Variants in CAST observed in about 807,000 individuals in gnomAD.
CAST encodes MIR583 host.
Under a neutral mutation model 119.6 loss-of-function variants are expected in CAST, and 76 were observed. The observed-to-expected ratio is 0.64, with a 90% CI of 0.53 to 0.77. The LOEUF is 0.77. CAST is among the 30% of genes least tolerant of loss of function. The probability of loss-of-function intolerance (pLI) is 0.00; values close to 1 mark genes in which losing one functional copy is unlikely to be tolerated. For synonymous variants in CAST, 319 were observed against 331.6 expected (o/e 0.96, Z 0.41); for missense variants, 953 against 946.5 (o/e 1.01, Z -0.09).
chr5:96,431,939 G>C, the CAST span: 2 of 700,136 alleles, frequency 2.9e-6, no homozygotes, highest in African/African-American at 1.7e-5. Context: ...ACACTCCCTA[G>C]GGTCCCCTCG....
the CAST span, among the ~76,000 whole-genome samples, chr5:96,468,664 T>C: frequency 6.6e-6 from 1 of 152,018 alleles, no homozygotes. Context: ...ACAATTAAAG[T>C]TGGTTTTAGC....
chr5:96,222,773 A>G, the CAST span, among the ~76,000 whole-genome samples: 1 of 152,230 alleles, frequency 6.6e-6, no homozygotes, highest in Admixed American at 6.6e-5. Flanking sequence ...TATCTATCCA[A>G]AGGAAATCAG....
At chr5:96,377,944 G>A in the CAST span, among the ~76,000 whole-genome samples, 1 of 152,100 alleles carries the variant, frequency 6.6e-6, no homozygotes, top group East Asian at 1.9e-4. Flanking sequence ...AAAGAAAAAT[G>A]TGGTATGTAT....
the CAST span, among the ~76,000 whole-genome samples, chr5:96,115,088 A>C: frequency 1.3e-5 from 2 of 152,218 alleles, no homozygotes; most frequent in Non-Finnish European, 2.9e-5. Flanking sequence ...TATTTAGTAC[A>C]TGATCATAAC....
the CAST span, among the ~76,000 whole-genome samples, chr5:96,480,595 T>A: frequency 6.6e-6 from 1 of 151,944 alleles, no homozygotes; most frequent in Non-Finnish European, 1.5e-5. Flanking sequence ...CCAGGGAAAG[T>A]GAGATATGGC....
chr5:96,424,328 G>A, the CAST span, among the ~76,000 whole-genome samples: 1 of 152,160 alleles, frequency 6.6e-6, no homozygotes, highest in African/African-American at 2.4e-5. Flanking sequence ...ATCACAGGAG[G>A]CTGGAACTGT....
the CAST span, among the ~76,000 whole-genome samples, chr5:96,019,032 C>T: frequency 3.3e-5 from 5 of 152,134 alleles, no homozygotes; most frequent in Admixed American, 2.6e-4. Flanking sequence ...AGAGTTCAAT[C>T]TGGAAGATAT....
chr5:96,014,164 T>A, the CAST span, among the ~76,000 whole-genome samples: 15 of 151,712 alleles, frequency 9.9e-5, no homozygotes, highest in Middle Eastern at 3.4e-3. Context: ...TTTTTACTTT[T>A]AAATTTTTTT....
chr5:95,995,458 A>C, the CAST span, among the ~76,000 whole-genome samples: 1 of 152,176 alleles, frequency 6.6e-6, no homozygotes, highest in Admixed American at 6.6e-5. Flanking sequence ...GTTGCCTTCA[A>C]GATATAAGCT....
chr5:96,594,688 A>T (rs756355676), intron 1 of CAST, among the ~76,000 whole-genome samples: 1 of 152,168 alleles, frequency 6.6e-6, no homozygotes, highest in Non-Finnish European at 1.5e-5. Context: ...CTTTTTCAAC[A>T]AGAGGTTTCA....
the CAST span, among the ~76,000 whole-genome samples, chr5:96,464,529 A>G: frequency 6.6e-6 from 1 of 152,106 alleles, no homozygotes; most frequent in Non-Finnish European, 1.5e-5. Context: ...TACTCAGGTC[A>G]AGGAGCATTT....
the CAST span, among the ~76,000 whole-genome samples, chr5:96,478,196 T>C: frequency 2.6e-5 from 4 of 152,232 alleles, no homozygotes; most frequent in Admixed American, 2.6e-4. Context: ...TTTAAATAAA[T>C]GAGTATATTA....
chr5:96,364,046 C>A, the CAST span, among the ~76,000 whole-genome samples: 3 of 152,016 alleles, frequency 2.0e-5, no homozygotes, highest in African/African-American at 7.2e-5. Flanking sequence ...GCATGAAGGG[C>A]TGTTGAATTT....
the CAST span, among the ~76,000 whole-genome samples, chr5:96,130,136 TAAC>T: frequency 6.8e-6 from 1 of 147,984 alleles, no homozygotes; most frequent in African/African-American, 2.5e-5. Context: ...TGGAGAAACA[TAAC>T]AAACACTACC....
At chr5:96,746,282 G>T in intron 16 of CAST, 60 bp from the exon 17 acceptor site, 1 of 922,176 alleles carries the variant, frequency 1.1e-6, no homozygotes, top group South Asian at 1.3e-5. Context: ...CAGAGGAAGT[G>T]ATATCATCTC....
At chr5:96,191,271 A>G in the CAST span, among the ~76,000 whole-genome samples, 1 of 152,206 alleles carries the variant, frequency 6.6e-6, no homozygotes, top group African/African-American at 2.4e-5. Context: ...CAGAAAAACT[A>G]CCATGGCCTG....
At chr5:96,675,104 T>G (rs1019819312) in intron 1 of CAST, among the ~76,000 whole-genome samples, 8 of 152,212 alleles carry the variant, frequency 5.3e-5, no homozygotes, top group African/African-American at 1.9e-4. Flanking sequence ...CTTTCTGCAT[T>G]GGTGGATACG....
At chr5:96,594,056 A>G (rs1309514531) in intron 1 of CAST, among the ~76,000 whole-genome samples, 1 of 152,238 alleles carries the variant, frequency 6.6e-6, no homozygotes. Flanking sequence ...ACTCAAAATT[A>G]TAGTACAAGG....
the CAST span, among the ~76,000 whole-genome samples, chr5:96,114,067 G>A: frequency 6.6e-6 from 1 of 152,136 alleles, no homozygotes; most frequent in Non-Finnish European, 1.5e-5. Context: ...AACAATAAGT[G>A]TATGAAAATA....
Sources: gnomAD v4.1 joint callset for allele counts (sites outside exome capture counted in the v4.1 genomes callset) on GRCh38, gnomAD v4.1.1 for gene constraint, MANE v1.5 for transcripts, NCBI Gene and HGNC (gene_info 2026-07-23, HGNC 2026-07-21) for gene names.